FBXO32: variants seen among roughly 807,000 people sequenced by gnomAD.
FBXO32 encodes F-box protein 32.
FBXO32 carries 15 observed loss-of-function variants against 48.3 expected under a neutral mutation model. The observed-to-expected ratio is 0.31, with a 90% CI of 0.21 to 0.48. The LOEUF (loss-of-function observed/expected upper bound fraction) is 0.48, where lower values mean the gene tolerates loss of function less well. FBXO32 is among the 20% of genes least tolerant of loss of function. FBXO32 has a pLI of 0.99. For synonymous variants in FBXO32, 154 were observed against 165.9 expected, an observed-to-expected ratio of 0.93 and a Z score of 0.55; for missense variants, 309 against 432.7, an observed-to-expected ratio of 0.71 and a Z score of 2.54.
intron 6 of FBXO32, among the ~76,000 whole-genome samples, chr8:123,507,052 C>A (rs914331141): frequency 2.6e-5 from 4 of 152,146 alleles, no homozygotes; most frequent in African/African-American, 9.7e-5. Context: ...GCCTTCGCCT[C>A]CCCAGTCTTC....
intron 4 of FBXO32, among the ~76,000 whole-genome samples, chr8:123,517,125 T>C (rs1163439764): frequency 6.6e-6 from 1 of 152,158 alleles, no homozygotes; most frequent in Non-Finnish European, 1.5e-5. Context: ...GGTCGGCTTT[T>C]GAAGGGCAGT....
rs1258690915 is a variant in FBXO32 at position 123,523,614 on chromosome 8, C to A, written c.372+8284G>T. On this transcript the variant is annotated intron_variant, in intron 4 of 8. Coordinates refer to ENST00000517956, the MANE Select transcript of FBXO32 (RefSeq NM_058229.4). ...AAAACAAAACAAACAACAACAACAA[C>A]AACAACAACAACAAACAAACAAAAA... Among the ~76,000 whole-genome samples, 3 of 142,710 alleles carry A rather than the reference C, an allele frequency of 2.1e-5. No individual in the cohort carries two copies. In the East Asian group the frequency reaches 7.3e-4, roughly 35 times the overall value. The allele number at this position is 142,710 out of a possible 152,430, so 93.6% of individuals were successfully genotyped here.
intron 1 of FBXO32, among the ~76,000 whole-genome samples, chr8:123,535,928 TA>T (rs1280314597): frequency 2.0e-5 from 3 of 152,100 alleles, no homozygotes; most frequent in African/African-American, 7.2e-5. Context: ...CTTTTTCAGA[TA>T]TACATCTGTT....
intron 6 of FBXO32, among the ~76,000 whole-genome samples, chr8:123,512,272 G>A (rs923363592): frequency 1.3e-5 from 2 of 152,102 alleles, no homozygotes; most frequent in African/African-American, 4.8e-5. Flanking sequence ...GTACAGAGAC[G>A]TAATTACCAG....
intron 4 of FBXO32, among the ~76,000 whole-genome samples, chr8:123,520,449 A>G (rs1816929685): frequency 1.3e-5 from 2 of 152,108 alleles, no homozygotes; most frequent in Admixed American, 1.3e-4. Context: ...AATGGCTCTG[A>G]GCTACTGGAG....
In FBXO32 at chr8:123,503,271, G is replaced by C; in HGVS notation, c.*102C>G. 1.1e-6 allele frequency: 1 copy of C among 943,602 alleles called. No individual in the cohort carries two copies. The highest frequency in any genetic ancestry group is 2.5e-5 in the East Asian group (1 of 39,278). The allele number at this position is 943,602 out of a possible 1,614,324, so 58.5% of individuals were successfully genotyped here. ...CTTATCTCTGAAGTTTCGAGCCAAT[G>C]TTTAAAATGTACACTATTTACAAAT... On this transcript the variant is annotated 3_prime_UTR_variant, in exon 9 of 9. Coordinates refer to ENST00000517956, the MANE Select transcript of FBXO32 (RefSeq NM_058229.4).
At position 123,499,618 on chromosome 8, in the gene FBXO32, A is replaced by T. The variant is rs369280953; in HGVS notation, c.*3755T>A. On this transcript the variant is annotated 3_prime_UTR_variant, in exon 9 of 9. Transcript: ENST00000517956. ...TTGCCCTTCAGCCTGGCAGAAAAAC[A>T]TAAACTCAGGTGTATATTTTATAAT... is the stretch of plus-strand genomic sequence containing the variant. 3 of 152,252 alleles carry T rather than the reference A, an allele frequency of 2.0e-5. No individual in the cohort carries two copies. Among genetic ancestry groups the T allele is most frequent in the South Asian group, 2.1e-4 (1 of 4,834 alleles). The allele number at this position is 152,252 out of a possible 1,614,324, so 9.4% of individuals were successfully genotyped here. A position where few individuals can be genotyped will look rare whatever the true frequency, so the allele number is the denominator to read the frequency against.
rs761077720 is a variant in FBXO32 at position 123,503,129 on chromosome 8, T to C, written c.*244A>G. The C allele has an allele frequency of 5.8e-6, 2 of 343,118 alleles. No homozygotes were observed. Among genetic ancestry groups the C allele is most frequent in the Non-Finnish European group, 5.3e-6 (1 of 187,954 alleles). The allele number at this position is 343,118 out of a possible 1,614,324, so 21.3% of individuals were successfully genotyped here. A position where few individuals can be genotyped will look rare whatever the true frequency, so the allele number is the denominator to read the frequency against. On this transcript the variant is annotated 3_prime_UTR_variant, in exon 9 of 9. Coordinates refer to ENST00000517956, the MANE Select transcript of FBXO32 (RefSeq NM_058229.4). The stretch of plus-strand genomic sequence containing the variant: ...CCTTATAGTCTTGCTGGCAAATTGT[T>C]AGAAAAAAAGTTTATTTACAGTATT...
At chr8:123,523,798 A>G (rs1390252606) in intron 4 of FBXO32, among the ~76,000 whole-genome samples, 3 of 152,178 alleles carry the variant, frequency 2.0e-5, no homozygotes, top group Non-Finnish European at 2.9e-5. Flanking sequence ...CAGAAATCTC[A>G]GTATTTTATA....
chr8:123,523,527 T>C (rs1424600262), intron 4 of FBXO32, among the ~76,000 whole-genome samples: 1 of 151,858 alleles, frequency 6.6e-6, no homozygotes, highest in East Asian at 1.9e-4. Context: ...GAGGCAGAGG[T>C]TGCAGTGAGC....
intron 6 of FBXO32, among the ~76,000 whole-genome samples, chr8:123,512,149 C>G (rs1419470604): frequency 6.6e-6 from 1 of 152,086 alleles, no homozygotes. Context: ...GTGCTCTGCT[C>G]TGTGTGTGTG....
chr8:123,516,886 A>G (rs1486249113), intron 4 of FBXO32, among the ~76,000 whole-genome samples: 1 of 152,146 alleles, frequency 6.6e-6, no homozygotes, highest in Non-Finnish European at 1.5e-5. Context: ...AAACACCAGT[A>G]GAGACCATGG....
In FBXO32 at chr8:123,540,882, G is replaced by A. The variant is rs759005333; in HGVS notation, c.116+17C>T. On this transcript the variant is annotated intron_variant, in intron 1 of 8. Coordinates refer to ENST00000517956, the MANE Select transcript of FBXO32 (RefSeq NM_058229.4). The surrounding 1 kb of genome is among the most constrained non-coding windows in gnomAD (Gnocchi z 6.4). ...TCAGTTTCGCGGGGGCTGGAAGTTG[G>A]TAGCGGGTCCCCTCACCTGCTGAGG... 6 of 1,602,982 alleles carry A rather than the reference G, an allele frequency of 3.7e-6. No individual in the cohort carries two copies. The highest frequency in any genetic ancestry group is 4.3e-6 in the Non-Finnish European group (5 of 1,171,440).
chr8:123,515,392 C>G (rs1048982419), intron 4 of FBXO32, among the ~76,000 whole-genome samples: 1 of 151,596 alleles, frequency 6.6e-6, no homozygotes, highest in African/African-American at 2.4e-5. Flanking sequence ...TGTGCCACTA[C>G]GCCTGGCTAA....
In FBXO32 at chr8:123,540,760, G is replaced by C; in HGVS notation, c.116+139C>G. 3 of 665,104 alleles carry C rather than the reference G, an allele frequency of 4.5e-6. No homozygotes were observed. The highest frequency in any genetic ancestry group is 7.8e-6 in the Non-Finnish European group (3 of 386,370). 41.2% of individuals were successfully genotyped at this position (665,104 alleles called of 1,614,324 possible). A position where few individuals can be genotyped will look rare whatever the true frequency, so the allele number is the denominator to read the frequency against. On this transcript the variant is annotated intron_variant, in intron 1 of 8. Transcript: ENST00000517956. This position sits in a 1 kb window ranked among gnomAD's most constrained non-coding sequence, Gnocchi z 6.4. ...AAGACCTCTGCAGAAATCGGGCCCC[G>C]TAGTCCCACCCTCCGGGTCAGGGTC... is the stretch of plus-strand genomic sequence containing the variant.
intron 4 of FBXO32, among the ~76,000 whole-genome samples, chr8:123,514,973 T>C (rs1341030927): frequency 5.3e-5 from 8 of 152,250 alleles, no homozygotes; most frequent in African/African-American, 1.9e-4. Flanking sequence ...TGGATCCTTG[T>C]AGCTCTTGGC....
chr8:123,540,887 GGGTCCCCTCACCTGCTGA>G lies in FBXO32; in HGVS notation c.110_116+11del. 6.2e-7 allele frequency: 1 copy of G among 1,607,012 alleles called. No homozygotes were observed. The highest frequency in any genetic ancestry group is 8.5e-7 in the Non-Finnish European group (1 of 1,174,612). On this transcript the variant is annotated splice_donor_variant and splice_donor_5th_base_variant and coding_sequence_variant and intron_variant, in exon 1 of 9. Coordinates refer to ENST00000517956, the MANE Select transcript of FBXO32 (RefSeq NM_058229.4). LOFTEE classifies it high-confidence loss of function. The surrounding 1 kb of genome is among the most constrained non-coding windows in gnomAD (Gnocchi z 6.4). ...TTCGCGGGGGCTGGAAGTTGGTAGC[GGGTCCCCTCACCTGCTGA>G]GGTCGCTCACGAAACTGCCGCTCTT...
At chr8:123,509,370 C>G (rs1296353554) in intron 6 of FBXO32, among the ~76,000 whole-genome samples, 5 of 151,842 alleles carry the variant, frequency 3.3e-5, no homozygotes, top group Non-Finnish European at 7.4e-5. Flanking sequence ...TTTTCTTTCT[C>G]TCTCTCTCAA....
Position 123,541,040 on chromosome 8 carries a change from G to A in FBXO32, c.-26C>T. 3 of 1,514,092 alleles carry A rather than the reference G, an allele frequency of 2.0e-6. No homozygotes were observed. The highest frequency in any genetic ancestry group is 2.7e-6 in the Non-Finnish European group (3 of 1,108,310). 93.8% of individuals were successfully genotyped at this position (1,514,092 alleles called of 1,614,324 possible). Reference sequence around the variant, plus strand: ...GGCACCGCGAGCGGACTAGACGGATGGGGAGACGGGGCCGGCCTGGTGGGC... The same window carrying A: ...GGCACCGCGAGCGGACTAGACGGATAGGGAGACGGGGCCGGCCTGGTGGGC... On this transcript the variant is annotated 5_prime_UTR_variant, in exon 1 of 9. Transcript: ENST00000517956.
Sources: gnomAD v4.1 joint callset for allele counts (sites outside exome capture counted in the v4.1 genomes callset) on GRCh38, gnomAD v4.1.1 for gene constraint, Gnocchi (gnomAD v3.1) non-coding constraint, MANE v1.5 for transcripts, NCBI Gene and HGNC (gene_info 2026-07-23, HGNC 2026-07-21) for gene names.